Variants in CACNA2D2 observed in about 807,000 individuals in gnomAD.
CACNA2D2 encodes calcium voltage-gated channel auxiliary subunit alpha2delta 2.
Under a neutral mutation model 166.4 loss-of-function variants are expected in CACNA2D2, and 48 were observed. The observed-to-expected ratio is 0.29, with a 90% CI of 0.23 to 0.37. The LOEUF is 0.37. Among genes scored for constraint, CACNA2D2 ranks in the 10% least tolerant of loss-of-function variants. CACNA2D2 has a pLI of 1.00. For missense variants in CACNA2D2, 1,122 were observed against 1,433.0 expected (o/e 0.78, Z 3.50); for synonymous variants, 561 against 573.7 (o/e 0.98, Z 0.32).
chr3:50,394,317 C>A, intron 3 of CACNA2D2, 149 bp from the exon 4 acceptor site: 1 of 676,914 alleles, frequency 1.5e-6, no homozygotes. Context: ...CAGAGATTCT[C>A]TGCCCCAGAC....
intron 3 of CACNA2D2, among the ~76,000 whole-genome samples, chr3:50,409,617 A>G (rs1706898142): frequency 6.6e-6 from 1 of 152,204 alleles, no homozygotes; most frequent in Non-Finnish European, 1.5e-5. Context: ...TCATTTCTAC[A>G]CCATTTTGCA....
Position 50,376,599 on chromosome 3 carries a change from G to A in CACNA2D2, c.1627-411C>T, listed in dbSNP as rs1300710990. Among the ~76,000 whole-genome samples, 3 of 152,170 alleles carry A rather than the reference G, an allele frequency of 2.0e-5. No homozygotes were observed. The highest frequency in any genetic ancestry group is 4.4e-5 in the Non-Finnish European group (3 of 68,026). ...CCACGTCAAGAGAGAGCAGCGGGAC[G>A]AGTGGACCCTTCGGAATCCTACCTG... On this transcript the variant is annotated intron_variant, in intron 17 of 37. Coordinates refer to ENST00000424201, the MANE Select transcript of CACNA2D2 (RefSeq NM_006030.4). This position sits in a 1 kb window ranked among gnomAD's most constrained non-coding sequence, Gnocchi z 4.3.
intron 2 of CACNA2D2, among the ~76,000 whole-genome samples, chr3:50,435,603 G>A (rs891947870): frequency 2.8e-5 from 4 of 143,368 alleles, no homozygotes; most frequent in South Asian, 2.5e-4. Flanking sequence ...GAGTGACAGC[G>A]AGAAGGCAGG....
At chr3:50,377,576 C>T in intron 16 of CACNA2D2, 35 bp from the exon 17 acceptor site, 1 of 1,604,368 alleles carries the variant, frequency 6.2e-7, no homozygotes, top group Non-Finnish European at 8.5e-7. Context: ...CCTCAGTGAG[C>T]TCAATTCCAT....
chr3:50,369,397 C>A (rs939550557), intron 23 of CACNA2D2, among the ~76,000 whole-genome samples: 1 of 152,242 alleles, frequency 6.6e-6, no homozygotes, highest in African/African-American at 2.4e-5. Flanking sequence ...CTTTTCACAC[C>A]TTCCCACATT....
At chr3:50,386,264 GGCT>G (rs1444591814) in intron 5 of CACNA2D2, among the ~76,000 whole-genome samples, 1 of 152,158 alleles carries the variant, frequency 6.6e-6, no homozygotes, top group Non-Finnish European at 1.5e-5. Flanking sequence ...ATACAGTTGA[GGCT>G]GCTGGAGGTA....
At chr3:50,428,904 T>TA (rs1475413299) in intron 3 of CACNA2D2, among the ~76,000 whole-genome samples, 3 of 152,214 alleles carry the variant, frequency 2.0e-5, no homozygotes, top group Non-Finnish European at 2.9e-5. Flanking sequence ...GGGAGCCATT[T>TA]GTGGGGTCTG....
chr3:50,446,533 T>TC (rs1708855975), intron 2 of CACNA2D2, among the ~76,000 whole-genome samples: 2 of 152,230 alleles, frequency 1.3e-5, no homozygotes, highest in African/African-American at 4.8e-5. Flanking sequence ...CCCTGACCCC[T>TC]CCTTTGGGAA....
chr3:50,402,326 G>A (rs1706487237), intron 3 of CACNA2D2, among the ~76,000 whole-genome samples: 1 of 152,198 alleles, frequency 6.6e-6, no homozygotes, highest in African/African-American at 2.4e-5. Flanking sequence ...ACCCTCTAGA[G>A]ATTTTTACTC....
At chr3:50,398,276 G>A (rs758805928) in intron 3 of CACNA2D2, among the ~76,000 whole-genome samples, 1 of 152,100 alleles carries the variant, frequency 6.6e-6, no homozygotes, top group Non-Finnish European at 1.5e-5. Flanking sequence ...GGAGGTGCCT[G>A]CAGTCTCTGG....
At chr3:50,432,644 G>A (rs1037999627) in intron 3 of CACNA2D2, among the ~76,000 whole-genome samples, 3 of 152,212 alleles carry the variant, frequency 2.0e-5, no homozygotes, top group Admixed American at 6.5e-5. Flanking sequence ...TGCAGAAGGC[G>A]TGGCTCTGCC....
chr3:50,380,840 GA>G lies in CACNA2D2; in HGVS notation c.785-36del. 1 of 1,537,864 alleles carries G rather than the reference GA, an allele frequency of 6.5e-7. No individual in the cohort carries two copies. The highest frequency in any genetic ancestry group is 8.8e-7 in the Non-Finnish European group (1 of 1,141,554). ...GAGAGAAGGTGAGGGGGACTGGCAGGAAAGGGCTGGCCTGGGTAGGCAGACC... is the reference window on the plus strand; with the variant it reads ...GAGAGAAGGTGAGGGGGACTGGCAGGAAGGGCTGGCCTGGGTAGGCAGACC... On this transcript the variant is annotated intron_variant, in intron 7 of 37. Coordinates refer to ENST00000424201, the MANE Select transcript of CACNA2D2 (RefSeq NM_006030.4). The surrounding 1 kb of genome is among the most constrained non-coding windows in gnomAD (Gnocchi z 4.9).
At position 50,363,258 on chromosome 3, in the gene CACNA2D2, CCACA is replaced by C. The variant is rs148001153; in HGVS notation, c.*1404_*1407del. ...CCCTGGCACCAGCAGTGGGCATGGA[CCACA>C]CACACACACTGAGAAAGCGACAAGC... On this transcript the variant is annotated 3_prime_UTR_variant, in exon 38 of 38. Transcript: ENST00000424201. 7.5e-6 allele frequency: 3 copies of C among 398,144 alleles called. No homozygotes were observed. Among genetic ancestry groups the C allele is most frequent in the East Asian group, 3.6e-5 (1 of 28,054 alleles). 24.7% of individuals were successfully genotyped at this position (398,144 alleles called of 1,614,324 possible). A position where few individuals can be genotyped will look rare whatever the true frequency, so the allele number is the denominator to read the frequency against.
rs1212906867 is a variant in CACNA2D2, at chr3:50,365,142, A to G, written c.3141T>C (p.Phe1047=). 4.3e-6 allele frequency: 7 copies of G among 1,611,966 alleles called. No homozygotes were observed. The highest frequency in any genetic ancestry group is 2.2e-5 in the East Asian group (1 of 44,866). ...TGCACAGCGGCTTCTCGGCCACCAC[A>G]AAGAGAAGATTGGTGTTGGTCAGTC... ...AQRLTNTNLL[F]VVAEKPLCSQ... The change falls in exon 36 of 38, where the codon TTT becomes TTC. Residue 1047 remains phenylalanine (F), a synonymous_variant. Transcript: ENST00000424201. The surrounding 1 kb of genome is among the most constrained non-coding windows in gnomAD (Gnocchi z 4.5).
chr3:50,393,064 G>C (rs1705960533), intron 4 of CACNA2D2, among the ~76,000 whole-genome samples: 1 of 152,134 alleles, frequency 6.6e-6, no homozygotes, highest in South Asian at 2.1e-4. Flanking sequence ...CAGATTTAGG[G>C]CTTGGAGCAT....
At chr3:50,385,649 T>C (rs1230865655) in intron 5 of CACNA2D2, among the ~76,000 whole-genome samples, 1 of 152,244 alleles carries the variant, frequency 6.6e-6, no homozygotes, top group Non-Finnish European at 1.5e-5. Flanking sequence ...AGCTGTCTGC[T>C]GTCCTCCCAC....
At chr3:50,374,593 C>A (rs1452545068) in intron 22 of CACNA2D2, 144 bp downstream of exon 22, 2 of 801,804 alleles carry the variant, frequency 2.5e-6, no homozygotes, top group East Asian at 5.4e-5. Context: ...TCGAGGTGCC[C>A]CAGCCTGCGG....
At chr3:50,377,374 T>C in intron 17 of CACNA2D2, 93 bp downstream of exon 17, 4 of 1,023,478 alleles carry the variant, frequency 3.9e-6, no homozygotes, top group Non-Finnish European at 6.0e-6. Context: ...GAGGTCTCCA[T>C]GGAGGCGCTG....
At chr3:50,391,008 G>A (rs1293734178) in intron 4 of CACNA2D2, among the ~76,000 whole-genome samples, 1 of 152,230 alleles carries the variant, frequency 6.6e-6, no homozygotes, top group East Asian at 1.9e-4. Flanking sequence ...TGGCCAAGAG[G>A]ACTGTTTTCT....
Sources: gnomAD v4.1 joint callset for allele counts (sites outside exome capture counted in the v4.1 genomes callset) on GRCh38, gnomAD v4.1.1 for gene constraint, Gnocchi (gnomAD v3.1) non-coding constraint, MANE v1.5 for transcripts, NCBI Gene and HGNC (gene_info 2026-07-23, HGNC 2026-07-21) for gene names.